The following MED12L variants were observed in gnomAD, a reference collection of about 807,000 sequenced individuals.
The protein encoded by MED12L is mediator of RNA polymerase II transcription subunit 12-like protein.
Under a neutral mutation model 281.3 loss-of-function variants are expected in MED12L, and 60 were observed. The observed-to-expected ratio is 0.21, with a 90% CI of 0.17 to 0.26. The LOEUF (loss-of-function observed/expected upper bound fraction) is 0.26, where lower values mean the gene tolerates loss of function less well. MED12L is among the 10% of genes least tolerant of loss of function. MED12L has a pLI of 1.00. For missense variants in MED12L, 2,146 were observed against 2,680.9 expected, an observed-to-expected ratio of 0.80 and a Z score of 4.41; for synonymous variants, 974 against 987.2, an observed-to-expected ratio of 0.99 and a Z score of 0.25.
At chr3:151,329,537 C>T in intron 16 of MED12L, 1 of 1,541,708 alleles carries the variant, frequency 6.5e-7, no homozygotes, top group Non-Finnish European at 8.8e-7. Flanking sequence ...ATTAGTTCAG[C>T]CTACAAATGA....
intron 16 of MED12L, chr3:151,203,317 G>T (rs561232456): frequency 1.3e-5 from 2 of 151,950 alleles, no homozygotes; most frequent in Non-Finnish European, 2.9e-5. Flanking sequence ...GTCTCCTAAA[G>T]AAGTTTTTTT....
intron 16 of MED12L, among the ~76,000 whole-genome samples, chr3:151,209,355 C>T (rs906450913): frequency 2.6e-5 from 4 of 152,024 alleles, no homozygotes; most frequent in Admixed American, 6.5e-5. Context: ...GAAATTAATA[C>T]GACATTTAAT....
intron 16 of MED12L, chr3:151,327,206 A>G (rs1749718384): frequency 2.0e-5 from 3 of 152,096 alleles, no homozygotes; most frequent in Admixed American, 2.0e-4. Context: ...TTTAATGAGG[A>G]GGGTGGGGCA....
At chr3:151,174,386 A>G (rs1356435827) in intron 11 of MED12L, among the ~76,000 whole-genome samples, 1 of 152,244 alleles carries the variant, frequency 6.6e-6, no homozygotes, top group Non-Finnish European at 1.5e-5. Flanking sequence ...ACTGAAGATT[A>G]GAAGAATCAT....
intron 27 of MED12L, among the ~76,000 whole-genome samples, chr3:151,374,957 T>C (rs1415992590): frequency 1.3e-5 from 2 of 152,220 alleles, no homozygotes; most frequent in African/African-American, 4.8e-5. Flanking sequence ...ACATACCTTA[T>C]ATATTATTTT....
intron 11 of MED12L, among the ~76,000 whole-genome samples, chr3:151,173,177 A>G (rs1721641988): frequency 1.3e-5 from 2 of 151,546 alleles, no homozygotes; most frequent in African/African-American, 4.9e-5. Context: ...TGTGAGATGC[A>G]CGTTATTCTT....
At chr3:151,233,687 C>T (rs927991346) in intron 16 of MED12L, among the ~76,000 whole-genome samples, 1 of 152,168 alleles carries the variant, frequency 6.6e-6, no homozygotes, top group Non-Finnish European at 1.5e-5. Flanking sequence ...GAGCCGAGAT[C>T]GTGCCATTGC....
intron 16 of MED12L, chr3:151,327,691 C>A (rs1749798339): frequency 4.7e-6 from 1 of 214,084 alleles, no homozygotes; most frequent in South Asian, 1.5e-4. Flanking sequence ...ATACGTTTCT[C>A]CTTAGTCTTT....
intron 16 of MED12L, among the ~76,000 whole-genome samples, chr3:151,309,606 C>G: frequency 6.6e-6 from 1 of 152,204 alleles, no homozygotes; most frequent in East Asian, 1.9e-4. Context: ...AGGTGTAACT[C>G]ATCTGCCTCC....
chr3:151,375,581 A>AT (rs1227840866), intron 27 of MED12L, among the ~76,000 whole-genome samples: 1 of 152,214 alleles, frequency 6.6e-6, no homozygotes, highest in East Asian at 1.9e-4. Context: ...TCATAATAGT[A>AT]TCAAAAAGGA....
intron 4 of MED12L, 64 bp downstream of exon 4, chr3:151,123,038 C>T: frequency 7.6e-7 from 1 of 1,319,674 alleles, no homozygotes; most frequent in Non-Finnish European, 1.0e-6. Context: ...GGATAATATT[C>T]AAGTATATAT....
intron 1 of MED12L, chr3:151,086,553 T>G: frequency 6.2e-6 from 1 of 161,718 alleles, no homozygotes; most frequent in Non-Finnish European, 1.3e-5. Context: ...TTTGGGTCCA[T>G]TGGTGAAAAA....
chr3:151,356,153 A>C, intron 19 of MED12L, 114 bp downstream of exon 19: 1 of 1,062,176 alleles, frequency 9.4e-7, no homozygotes, highest in Non-Finnish European at 1.3e-6. Context: ...TAATCCTGGC[A>C]CTTTGGGAGG....
At chr3:151,093,563 A>G (rs1720337680) in intron 2 of MED12L, among the ~76,000 whole-genome samples, 1 of 152,200 alleles carries the variant, frequency 6.6e-6, no homozygotes, top group Non-Finnish European at 1.5e-5. Flanking sequence ...GAAGTATAGT[A>G]CCTTTTGGTA....
rs561323002 is a variant in MED12L, at chr3:151,255,112, G to A, written c.2250+61446G>A. On this transcript the variant is annotated intron_variant, in intron 16 of 44. Coordinates refer to ENST00000687756, the MANE Select transcript of MED12L (RefSeq NM_001393769.1). ...AAGCGCTTAAAAGATAGGAACTTTC[G>A]AGTCACAAATAGGCAGGCTGAAGAT... is the stretch of plus-strand genomic sequence containing the variant. Among the ~76,000 whole-genome samples the A allele has an allele frequency of 2.0e-5, 3 of 152,130 alleles. No individual in the cohort carries two copies. In the East Asian group the frequency reaches 5.8e-4, roughly 29 times the overall value.
intron 16 of MED12L, among the ~76,000 whole-genome samples, chr3:151,287,367 G>A (rs936564980): frequency 1.3e-5 from 2 of 152,178 alleles, no homozygotes; most frequent in Non-Finnish European, 2.9e-5. Context: ...GTGGGTACCA[G>A]GCCAGGCAGG....
intron 5 of MED12L, among the ~76,000 whole-genome samples, chr3:151,141,173 TTTTTG>T: frequency 5.5e-5 from 7 of 126,168 alleles, no homozygotes; most frequent in African/African-American, 2.7e-4. Flanking sequence ...GGCGTTTTTT[TTTTTG>T]TTTTTTTTGT....
At chr3:151,168,066 A>G (rs966302115) in intron 11 of MED12L, among the ~76,000 whole-genome samples, 12 of 152,166 alleles carry the variant, frequency 7.9e-5, no homozygotes, top group Non-Finnish European at 1.5e-4. Flanking sequence ...TCACCTGCAG[A>G]CACTTAAGTT....
At position 151,329,548 on chromosome 3, in the gene MED12L, G is replaced by T. The variant is rs1371017941; in HGVS notation, c.2251-20511G>T. 7.2e-6 allele frequency: 11 copies of T among 1,526,394 alleles called. No individual in the cohort carries two copies. In the Admixed American group the frequency reaches 2.2e-4, roughly 31 times the overall value. 94.6% of individuals were successfully genotyped at this position (1,526,394 alleles called of 1,614,324 possible). Reference sequence around the variant, plus strand: ...AGTCATTAGTTCAGCCTACAAATGAGCATGTGAAGCAAATGTTCTGCTTTC... The same window carrying T: ...AGTCATTAGTTCAGCCTACAAATGATCATGTGAAGCAAATGTTCTGCTTTC... On this transcript the variant is annotated intron_variant, in intron 16 of 44. Coordinates refer to ENST00000687756, the MANE Select transcript of MED12L (RefSeq NM_001393769.1).
Sources: gnomAD v4.1 joint callset for allele counts (sites outside exome capture counted in the v4.1 genomes callset) on GRCh38, gnomAD v4.1.1 for gene constraint, MANE v1.5 for transcripts, NCBI Gene and HGNC (gene_info 2026-07-23, HGNC 2026-07-21) for gene names.